Variants in RPTOR observed in about 807,000 individuals in gnomAD.
RPTOR encodes regulatory-associated protein of mTOR.
RPTOR carries 21 observed loss-of-function variants against 169.9 expected under a neutral mutation model. That is an observed-to-expected ratio of 0.12 (90% confidence interval 0.09 to 0.18). The LOEUF (loss-of-function observed/expected upper bound fraction) is 0.18. Ranked by LOEUF, RPTOR falls within the 10% of genes least tolerant of loss-of-function variation. The pLI is 1.00. For missense variants in RPTOR, 1,133 were observed against 1,855.9 expected (o/e 0.61, Z 7.16); for synonymous variants, 732 against 753.2 (o/e 0.97, Z 0.46).
chr17:80,879,997 A>C (rs1035326496), intron 13 of RPTOR, among the ~76,000 whole-genome samples: 14 of 152,238 alleles, frequency 9.2e-5, no homozygotes, highest in Admixed American at 2.6e-4. Context: ...AGTCCAAGCA[A>C]ACCCCCAAGA....
intron 9 of RPTOR, among the ~76,000 whole-genome samples, chr17:80,835,054 G>A (rs767443224): frequency 6.6e-6 from 1 of 152,192 alleles, no homozygotes; most frequent in African/African-American, 2.4e-5. Context: ...GCCTGCAGCT[G>A]GGGATTTACT....
At chr17:80,810,258 C>T (rs2067260453) in intron 7 of RPTOR, among the ~76,000 whole-genome samples, 1 of 151,000 alleles carries the variant, frequency 6.6e-6, no homozygotes, top group African/African-American at 2.4e-5. Context: ...TTTTAACTTT[C>T]ATGTTTATGA....
chr17:80,545,545 C>A lies in RPTOR; in HGVS notation c.-85C>A, dbSNP rs1599535964. ...GATTTCCCGTTTTTGTTTCTTATTT[C>A]ACCAATTCTGGTACACGCTAGTTTT... On this transcript the variant is annotated 5_prime_UTR_variant, in exon 1 of 34. Coordinates refer to ENST00000306801, the MANE Select transcript of RPTOR (RefSeq NM_020761.3). The A allele has an allele frequency of 5.7e-6, 6 of 1,061,652 alleles. No homozygotes were observed. The East Asian group carries it at 1.3e-4, about 22-fold the overall frequency. The allele number at this position is 1,061,652 out of a possible 1,614,324, so 65.8% of individuals were successfully genotyped here.
At chr17:80,762,195 C>T (rs550736424) in intron 6 of RPTOR, among the ~76,000 whole-genome samples, 22 of 152,270 alleles carry the variant, frequency 1.4e-4, no homozygotes, top group South Asian at 2.1e-4. Flanking sequence ...CTGATGGATG[C>T]GGTAAGAAAG....
In RPTOR at chr17:80,902,911, GGAGTTAATTCTGC is replaced by G. The variant is rs1342945239; in HGVS notation, c.2402-5899_2402-5887del. On this transcript the variant is annotated intron_variant, in intron 20 of 33. Coordinates refer to ENST00000306801, the MANE Select transcript of RPTOR (RefSeq NM_020761.3). ...CACACCCGTGCTGAGAGGCGAGGCG[GGAGTTAATTCTGC>G]TCGGGACTCTGGTGGCCTGAGAAGG... Among the ~76,000 whole-genome samples, 4 of 152,248 alleles carry G rather than the reference GGAGTTAATTCTGC, an allele frequency of 2.6e-5. No homozygotes were observed. In the East Asian group the frequency reaches 7.7e-4, roughly 29 times the overall value.
chr17:80,733,341 A>G (rs117635805), intron 5 of RPTOR, among the ~76,000 whole-genome samples: 1 of 152,220 alleles, frequency 6.6e-6, no homozygotes, highest in Non-Finnish European at 1.5e-5. Context: ...CTCCGCTTTC[A>G]GTCTTCTTTT....
intron 28 of RPTOR, among the ~76,000 whole-genome samples, chr17:80,956,838 G>T (rs2069256619): frequency 6.6e-6 from 1 of 152,086 alleles, no homozygotes; most frequent in African/African-American, 2.4e-5. Flanking sequence ...ACCTTAGACA[G>T]ATGTTCCTGG....
intron 1 of RPTOR, among the ~76,000 whole-genome samples, chr17:80,616,830 A>G (rs1363661380): frequency 6.6e-6 from 1 of 152,184 alleles, no homozygotes; most frequent in Non-Finnish European, 1.5e-5. Context: ...TTGGTTTTTA[A>G]GGACCAGAGT....
intron 3 of RPTOR, among the ~76,000 whole-genome samples, chr17:80,688,008 G>A (rs1356686070): frequency 6.6e-6 from 1 of 152,160 alleles, no homozygotes; most frequent in African/African-American, 2.4e-5. Context: ...CTTCACACTG[G>A]CCACACCCAC....
intron 2 of RPTOR, among the ~76,000 whole-genome samples, chr17:80,634,518 T>C (rs142276653): frequency 0.021 from 2,979 of 141,914 alleles, 42 homozygotes; most frequent in Non-Finnish European, 0.032. Context: ...TGTGTGTGTG[T>C]GCGTACTGTG....
intron 3 of RPTOR, among the ~76,000 whole-genome samples, chr17:80,670,476 C>T (rs1044191792): frequency 6.6e-5 from 10 of 152,170 alleles, no homozygotes; most frequent in Admixed American, 6.5e-4. Flanking sequence ...TTTGACATGA[C>T]GCCTGCCCGC....
In RPTOR at chr17:80,891,749, G is replaced by A; in HGVS notation, c.2013G>A (p.Val671=). 2 of 1,613,932 alleles carry A rather than the reference G, an allele frequency of 1.2e-6. No individual in the cohort carries two copies. The highest frequency in any genetic ancestry group is 1.7e-6 in the Non-Finnish European group (2 of 1,179,844). ...TGGTGGTGGCTCTGAGTCATCTTGT[G>A]GTTCAGTATGAAAGCAATTTCTGCA... ...KELVVALSHL[V]VQYESNFCTV... is the part of the protein sequence containing the mutation. The change falls in exon 18 of 34, where the codon GTG becomes GTA. Residue 671 remains valine, a synonymous_variant. Coordinates refer to ENST00000306801, the MANE Select transcript of RPTOR (RefSeq NM_020761.3).
chr17:80,786,747 C>A (rs2066996368), intron 6 of RPTOR, among the ~76,000 whole-genome samples: 1 of 152,230 alleles, frequency 6.6e-6, no homozygotes, highest in Non-Finnish European at 1.5e-5. Flanking sequence ...GTTTATACAT[C>A]AGGTTGGGTT....
At chr17:80,806,617 A>G (rs1432939593) in intron 7 of RPTOR, among the ~76,000 whole-genome samples, 3 of 152,196 alleles carry the variant, frequency 2.0e-5, no homozygotes, top group Non-Finnish European at 4.4e-5. Context: ...AGACACACTG[A>G]CCACCTTAAT....
intron 7 of RPTOR, among the ~76,000 whole-genome samples, chr17:80,793,390 C>T (rs2067069251): frequency 6.6e-6 from 1 of 152,088 alleles, no homozygotes; most frequent in African/African-American, 2.4e-5. Context: ...ATATTTTATC[C>T]TTGCTGGGTT....
chr17:80,781,296 A>T (rs758757532), intron 6 of RPTOR, among the ~76,000 whole-genome samples: 1 of 152,142 alleles, frequency 6.6e-6, no homozygotes, highest in Non-Finnish European at 1.5e-5. Flanking sequence ...GGGATTTTTT[A>T]AATTGGCAAA....
At chr17:80,712,666 T>C (rs974261900) in intron 4 of RPTOR, among the ~76,000 whole-genome samples, 10 of 152,246 alleles carry the variant, frequency 6.6e-5, no homozygotes, top group African/African-American at 2.4e-4. Context: ...AGCTTTCCAT[T>C]CATTTGGGTG....
At chr17:80,728,586 T>C (rs2066360895) in intron 4 of RPTOR, among the ~76,000 whole-genome samples, 1 of 152,156 alleles carries the variant, frequency 6.6e-6, no homozygotes. Context: ...GTTACGTATG[T>C]GGGTCTATTT....
At chr17:80,769,511 C>G (rs938611634) in intron 6 of RPTOR, among the ~76,000 whole-genome samples, 1 of 152,162 alleles carries the variant, frequency 6.6e-6, no homozygotes, top group Non-Finnish European at 1.5e-5. Flanking sequence ...CAGTAAACAC[C>G]TAAGTCATGA....
Sources: gnomAD v4.1 joint callset for allele counts (sites outside exome capture counted in the v4.1 genomes callset) on GRCh38, gnomAD v4.1.1 for gene constraint, MANE v1.5 for transcripts, NCBI Gene and HGNC (gene_info 2026-07-23, HGNC 2026-07-21) for gene names.